TMEM40: variants seen among roughly 807,000 people sequenced by gnomAD.
TMEM40 encodes the protein transmembrane protein 40.
In TMEM40, 34 loss-of-function variants were observed where a neutral mutation model predicts 40.8. The observed-to-expected ratio is 0.83, with a 90% CI of 0.63 to 1.11. TMEM40 has a LOEUF of 1.11. Ranked by LOEUF, TMEM40 falls within the 50% of genes least tolerant of loss-of-function variation. The pLI, the probability that TMEM40 is intolerant of heterozygous loss-of-function variation, is 0.00. For missense variants in TMEM40, 296 were observed against 280.2 expected (o/e 1.06, Z -0.40); for synonymous variants, 106 against 107.0 (o/e 0.99, Z 0.06).
chr3:12,736,733 C>G (rs749045310), intron 9 of TMEM40, 31 bp downstream of exon 9: 14 of 1,613,948 alleles, frequency 8.7e-6, no homozygotes, highest in South Asian at 2.2e-5. Context: ...TGCCATCCCC[C>G]TTGTGCATTC....
At chr3:12,742,628 G>C (rs1200911722) in intron 4 of TMEM40, 121 bp from the exon 5 acceptor site, 3 of 1,200,420 alleles carry the variant, frequency 2.5e-6, no homozygotes, top group African/African-American at 3.0e-5. Flanking sequence ...GTGAGGTGGG[G>C]GGCAGTCTTC....
chr3:12,765,767 C>G (rs111288716), intron 1 of TMEM40, among the ~76,000 whole-genome samples: 1 of 152,024 alleles, frequency 6.6e-6, no homozygotes, highest in African/African-American at 2.4e-5. Flanking sequence ...GACTGGGTTT[C>G]ACCGTGTTAA....
At chr3:12,736,526 C>T (rs2061338489) in intron 10 of TMEM40, 52 bp downstream of exon 10, 2 of 1,527,728 alleles carry the variant, frequency 1.3e-6, no homozygotes, top group Middle Eastern at 1.7e-4. Flanking sequence ...TATTTCTACC[C>T]ACGACCCCTC....
chr3:12,736,561 C>T lies in TMEM40; in HGVS notation c.619+17G>A. On this transcript the variant is annotated intron_variant, in intron 10 of 11. Transcript: ENST00000314124. ...CCAAGAGACTGTGTGTGTGTCCATG[C>T]TGGGGGAGGGGCTTACCTAGTCCGA... 1.9e-6 allele frequency: 3 copies of T among 1,552,066 alleles called. No homozygotes were observed. The highest frequency in any genetic ancestry group is 2.6e-6 in the Non-Finnish European group (3 of 1,147,032).
chr3:12,760,588 T>A (rs748024719), upstream of TMEM40, among the ~76,000 whole-genome samples: 4 of 152,068 alleles, frequency 2.6e-5, no homozygotes, highest in Non-Finnish European at 5.9e-5. Context: ...TATCTGACCA[T>A]CCTGCTTAAA....
intron 5 of TMEM40, chr3:12,739,187 A>G (rs1397306844): frequency 6.6e-6 from 1 of 152,478 alleles, no homozygotes; most frequent in African/African-American, 2.4e-5. Context: ...CTTGTACTCC[A>G]TGAATCAAAA....
chr3:12,756,318 T>A (rs937495409), intron 1 of TMEM40, among the ~76,000 whole-genome samples: 2 of 152,186 alleles, frequency 1.3e-5, no homozygotes, highest in African/African-American at 4.8e-5. Flanking sequence ...TACTTGTATA[T>A]ACATGTACAT....
chr3:12,751,118 G>C (rs1358026957), intron 1 of TMEM40, among the ~76,000 whole-genome samples: 1 of 151,730 alleles, frequency 6.6e-6, no homozygotes, highest in Non-Finnish European at 1.5e-5. Context: ...GACAGTAATA[G>C]TGCTTACCTT....
At chr3:12,739,474 C>T (rs145306518) in intron 5 of TMEM40, among the ~76,000 whole-genome samples, 2,324 of 151,824 alleles carry the variant, frequency 0.015, 58 homozygotes, top group African/African-American at 0.045. Context: ...TTAGTAGAGA[C>T]GGGGTTTCAC....
rs545722213 is a variant in TMEM40, at chr3:12,744,980, CA to C, written c.212-992del. The stretch of plus-strand genomic sequence containing the variant: ...TTTTCTATATTTTACAAATATTCAT[CA>C]GTGCAAAAAATGACTTTTTATTGCT... On this transcript the variant is annotated intron_variant, in intron 3 of 11. Transcript: ENST00000314124. Among the ~76,000 whole-genome samples, 334 of 152,216 alleles carry C rather than the reference CA, an allele frequency of 2.2e-3. 1 individual carries two copies. The highest frequency in any genetic ancestry group is 7.5e-3 in the African/African-American group (313 of 41,526).
At chr3:12,759,987 A>AG (rs11401215), upstream of TMEM40, among the ~76,000 whole-genome samples, 152,260 of 152,262 alleles carry the variant, frequency 1, 76,129 homozygotes, top group Middle Eastern at 1. Context: ...GGCAAGGCCC[A>AG]GGAGCTGTGG....
At position 12,755,834 on chromosome 3, in the gene TMEM40, C is replaced by T. The variant is rs531638214; in HGVS notation, c.-9+3357G>A. The stretch of plus-strand genomic sequence containing the variant: ...TCCAGACTATTGCCATATATTGTGG[C>T]GTGCAGGAGCCCAGTTGGGTTAATT... On this transcript the variant is annotated intron_variant, in intron 1 of 11. Coordinates refer to ENST00000314124, the MANE Select transcript of TMEM40 (RefSeq NM_018306.4). Among the ~76,000 whole-genome samples the T allele has an allele frequency of 1.3e-3, 191 of 152,236 alleles. 1 individual carries two copies. The highest frequency in any genetic ancestry group is 4.4e-3 in the African/African-American group (183 of 41,520).
Position 12,752,517 on chromosome 3 carries a change from G to A in TMEM40, c.-8-2677C>T, listed in dbSNP as rs184030918. 8.2e-4 allele frequency among the ~76,000 whole-genome samples: 125 copies of A among 152,270 alleles called. 2 individuals carry two copies. Among genetic ancestry groups the A allele is most frequent in the African/African-American group, 2.8e-3 (115 of 41,540 alleles). On this transcript the variant is annotated intron_variant, in intron 1 of 11. Transcript: ENST00000314124. ...GAGGATAAGAAACTTGCCCAGGACC[G>A]GCCGGGCGCGGTGGTTCATGCCTGT...
At chr3:12,755,221 C>CTTTCTT (rs1232868322) in intron 1 of TMEM40, among the ~76,000 whole-genome samples, 5 of 83,044 alleles carry the variant, frequency 6.0e-5, no homozygotes, top group Non-Finnish European at 9.1e-5. Context: ...CTTTCTCTCT[C>CTTTCTT]TCTCTCTCTC....
chr3:12,742,586 G>A lies in TMEM40; in HGVS notation c.302-79C>T, dbSNP rs116340818. ...CACTTCCCTCTCCCATGGCTTCGAC[G>A]CTTAAGAAGTACCACAGTCCTTGTG... On this transcript the variant is annotated intron_variant, in intron 4 of 11. Transcript: ENST00000314124. The A allele has an allele frequency of 3.3e-3, 5,083 of 1,526,714 alleles. 6 individuals are homozygous for A. Among genetic ancestry groups the A allele is most frequent in the Non-Finnish European group, 4.1e-3 (4,485 of 1,107,208 alleles). The allele number at this position is 1,526,714 out of a possible 1,614,324, so 94.6% of individuals were successfully genotyped here. A position where few individuals can be genotyped will look rare whatever the true frequency, so the allele number is the denominator to read the frequency against.
chr3:12,740,032 T>C (rs1449431418), intron 5 of TMEM40, among the ~76,000 whole-genome samples: 1 of 147,596 alleles, frequency 6.8e-6, no homozygotes, highest in Middle Eastern at 3.3e-3. Flanking sequence ...TAAATTTATA[T>C]ATAATATACT....
intron 1 of TMEM40, among the ~76,000 whole-genome samples, chr3:12,767,303 A>C (rs1392706020): frequency 6.6e-6 from 1 of 152,036 alleles, no homozygotes; most frequent in Non-Finnish European, 1.5e-5. Context: ...CAGAGGAATA[A>C]AAATTTGGCC....
At chr3:12,755,030 C>A (rs1049355874) in intron 1 of TMEM40, among the ~76,000 whole-genome samples, 1 of 144,876 alleles carries the variant, frequency 6.9e-6, no homozygotes, top group African/African-American at 2.6e-5. Context: ...CCTTCCCCCT[C>A]CCTCCCTCCT....
At chr3:12,766,850 G>C (rs1167284270) in intron 1 of TMEM40, among the ~76,000 whole-genome samples, 1 of 147,206 alleles carries the variant, frequency 6.8e-6, no homozygotes, top group Non-Finnish European at 1.5e-5. Context: ...GCAGAGGGGG[G>C]ACCAGGACCC....
Sources: allele counts gnomAD v4.1 joint callset (sites outside exome capture counted in the v4.1 genomes callset), GRCh38; gene constraint gnomAD v4.1.1; transcripts MANE v1.5; gene names NCBI Gene and HGNC (gene_info 2026-07-23, HGNC 2026-07-21).